ANKS1B: variants seen among roughly 807,000 people sequenced by gnomAD.
ANKS1B encodes the protein ankyrin repeat and sterile alpha motif domain-containing protein 1B.
Under a neutral mutation model 148.3 loss-of-function variants are expected in ANKS1B, and 36 were observed. The ratio of observed to expected loss-of-function variants is 0.24; its 90% CI spans 0.19 to 0.32. The LOEUF (loss-of-function observed/expected upper bound fraction) is 0.32, where lower values mean the gene tolerates loss of function less well. Among genes scored for constraint, ANKS1B ranks in the 10% least tolerant of loss-of-function variants. The pLI is 1.00. For synonymous variants in ANKS1B, 542 were observed against 560.8 expected (o/e 0.97, Z 0.47); for missense variants, 1,157 against 1,542.6 (o/e 0.75, Z 4.19).
intron 9 of ANKS1B, among the ~76,000 whole-genome samples, chr12:99,564,543 G>T (rs1378662359): frequency 6.6e-6 from 1 of 151,952 alleles, no homozygotes; most frequent in East Asian, 1.9e-4. Flanking sequence ...AGATAAACTT[G>T]TATTTTCTCT....
intron 9 of ANKS1B, among the ~76,000 whole-genome samples, chr12:99,539,818 C>G (rs1200564480): frequency 5.3e-5 from 8 of 152,114 alleles, no homozygotes; most frequent in Middle Eastern, 3.4e-3. Context: ...ATCCTTCTGC[C>G]TCACTCTGCC....
chr12:98,914,669 T>C (rs2099791731), intron 17 of ANKS1B, among the ~76,000 whole-genome samples: 1 of 152,106 alleles, frequency 6.6e-6, no homozygotes, highest in Non-Finnish European at 1.5e-5. Flanking sequence ...ACTCCAGGCA[T>C]TTTTCTACAT....
At chr12:99,910,493 A>C (rs542936481) in intron 1 of ANKS1B, among the ~76,000 whole-genome samples, 188 of 152,326 alleles carry the variant, frequency 1.2e-3, no homozygotes, top group Middle Eastern at 3.4e-3. Context: ...TGAATTGTAC[A>C]GAATAGGCAA....
At chr12:99,440,417 A>AC (rs940489642) in intron 11 of ANKS1B, among the ~76,000 whole-genome samples, 1 of 151,314 alleles carries the variant, frequency 6.6e-6, no homozygotes, top group Non-Finnish European at 1.5e-5. Flanking sequence ...TATTTCAAAG[A>AC]TTTTTTTTTC....
intron 8 of ANKS1B, among the ~76,000 whole-genome samples, chr12:99,716,291 C>G (rs966187542): frequency 6.8e-6 from 1 of 148,134 alleles, no homozygotes. Context: ...TTCCACACCC[C>G]GACCTCTTAT....
rs528609141 is a variant in ANKS1B, at chr12:99,809,498, T to C, written c.372+2657A>G. Among the ~76,000 whole-genome samples, 12 of 151,930 alleles carry C rather than the reference T, an allele frequency of 7.9e-5. No homozygotes were observed. The South Asian group carries it at 2.5e-3, about 32-fold the overall frequency. On this transcript the variant is annotated intron_variant, in intron 3 of 26. Transcript: ENST00000683438. ...TTGCAAAAAGGAAATAATCAGATGA[T>C]AAAAGAGAAGGATGTGGCAATTATA...
intron 8 of ANKS1B, among the ~76,000 whole-genome samples, chr12:99,745,867 T>G (rs1277972600): frequency 6.6e-6 from 1 of 152,020 alleles, no homozygotes; most frequent in African/African-American, 2.4e-5. Flanking sequence ...ATCTAAAATA[T>G]ATATTTTCTT....
At chr12:99,117,946 A>T (rs955151971) in intron 15 of ANKS1B, among the ~76,000 whole-genome samples, 1 of 152,124 alleles carries the variant, frequency 6.6e-6, no homozygotes, top group Non-Finnish European at 1.5e-5. Flanking sequence ...GTGTCCAGGG[A>T]TTTATCCATT....
intron 15 of ANKS1B, among the ~76,000 whole-genome samples, chr12:99,106,402 T>A (rs2059229137): frequency 6.6e-6 from 1 of 152,240 alleles, no homozygotes; most frequent in South Asian, 2.1e-4. Context: ...TTCTTGTCCT[T>A]CTACACTTGA....
intron 1 of ANKS1B, among the ~76,000 whole-genome samples, chr12:99,928,322 AC>A (rs1307039327): frequency 2.0e-5 from 3 of 146,892 alleles, no homozygotes; most frequent in African/African-American, 7.6e-5. Context: ...CCCAGGCCGG[AC>A]TGCGGACTGC....
chr12:99,326,975 C>T (rs1204036663), intron 12 of ANKS1B, among the ~76,000 whole-genome samples: 1 of 140,136 alleles, frequency 7.1e-6, no homozygotes, highest in Non-Finnish European at 1.5e-5. Context: ...GTATACAAAC[C>T]TAGATTTTAT....
chr12:99,285,225 T>A (rs1388892292), intron 12 of ANKS1B, among the ~76,000 whole-genome samples: 5 of 152,228 alleles, frequency 3.3e-5, no homozygotes, highest in African/African-American at 1.2e-4. Context: ...CAGTATATAC[T>A]TTTTTGTCTA....
intron 17 of ANKS1B, among the ~76,000 whole-genome samples, chr12:98,949,560 T>A (rs1567962914): frequency 6.6e-6 from 1 of 152,102 alleles, no homozygotes; most frequent in African/African-American, 2.4e-5. Flanking sequence ...GAGGAAGGAA[T>A]GTAAAAATGA....
intron 8 of ANKS1B, among the ~76,000 whole-genome samples, chr12:99,696,492 C>G (rs922264453): frequency 1.3e-5 from 2 of 152,030 alleles, no homozygotes; most frequent in South Asian, 4.2e-4. Flanking sequence ...GATAGCGTTT[C>G]AACAAATGGT....
At position 99,141,403 on chromosome 12, in the gene ANKS1B, C is replaced by CT. The variant is rs572728144; in HGVS notation, c.2526+12885dup. On this transcript the variant is annotated intron_variant, in intron 15 of 26. Coordinates refer to ENST00000683438, the MANE Select transcript of ANKS1B (RefSeq NM_001352186.2). The stretch of plus-strand genomic sequence containing the variant: ...AGTGGCTACTTCTCTAGTCTCATTT[C>CT]TTTTTTTTTTTTTCACCTTCAACTT... 1.4e-3 allele frequency among the ~76,000 whole-genome samples: 200 copies of CT among 140,464 alleles called. 1 individual carries two copies. The highest frequency in any genetic ancestry group is 2.1e-3 in the Admixed American group (29 of 13,936). The allele number at this position is 140,464 out of a possible 152,430, so 92.1% of individuals were successfully genotyped here. A position where few individuals can be genotyped will look rare whatever the true frequency, so the allele number is the denominator to read the frequency against.
chr12:99,495,499 C>T (rs1044664537), intron 10 of ANKS1B, among the ~76,000 whole-genome samples: 3 of 152,112 alleles, frequency 2.0e-5, no homozygotes, highest in African/African-American at 7.2e-5. Context: ...TAATTCCCTT[C>T]AGGTACTGCT....
At chr12:99,281,758 T>C (rs966549109) in intron 12 of ANKS1B, among the ~76,000 whole-genome samples, 3 of 152,186 alleles carry the variant, frequency 2.0e-5, no homozygotes, top group Admixed American at 6.5e-5. Flanking sequence ...AGGAGGAACA[T>C]GGGCTTTGAA....
At chr12:98,912,974 A>G (rs893802327) in intron 17 of ANKS1B, among the ~76,000 whole-genome samples, 1 of 152,134 alleles carries the variant, frequency 6.6e-6, no homozygotes, top group African/African-American at 2.4e-5. Context: ...ATTTGTTTCT[A>G]TTTTTATTAG....
At chr12:99,539,529 A>C (rs1236497676) in intron 9 of ANKS1B, among the ~76,000 whole-genome samples, 1 of 152,242 alleles carries the variant, frequency 6.6e-6, no homozygotes, top group African/African-American at 2.4e-5. Flanking sequence ...AAAAGAATAA[A>C]CTAGAAAATA....
Sources: gnomAD v4.1 joint callset for allele counts (sites outside exome capture counted in the v4.1 genomes callset) on GRCh38, gnomAD v4.1.1 for gene constraint, MANE v1.5 for transcripts, NCBI Gene and HGNC (gene_info 2026-07-23, HGNC 2026-07-21) for gene names.